OPN4: variants seen among roughly 807,000 people sequenced by gnomAD.
The protein encoded by OPN4 is opsin 4.
Under a neutral mutation model 49.5 loss-of-function variants are expected in OPN4, and 43 were observed. The ratio of observed to expected loss-of-function variants is 0.87; its 90% confidence interval spans 0.68 to 1.12. The LOEUF (loss-of-function observed/expected upper bound fraction) is 1.12, where lower values mean the gene tolerates loss of function less well. Among genes scored for constraint, OPN4 ranks in the 50% most tolerant of loss-of-function variants. The pLI is 0.00. For missense variants in OPN4, 657 were observed against 643.9 expected (o/e 1.02, Z -0.22); for synonymous variants, 263 against 258.0 (o/e 1.02, Z -0.19).
chr10:86,661,427 A>AGGTGT, intron 7 of OPN4, 39 bp downstream of exon 7: 1 of 1,523,014 alleles, frequency 6.6e-7, no homozygotes, highest in Non-Finnish European at 9.1e-7. Flanking sequence ...TTGGCCTCCA[A>AGGTGT]GGGCCTGGCC....
intron 4 of OPN4, 104 bp downstream of exon 4, chr10:86,658,791 C>A: frequency 4.2e-6 from 5 of 1,200,482 alleles, no homozygotes; most frequent in Non-Finnish European, 5.9e-6. Flanking sequence ...GAGCAGGGTG[C>A]CCAGGAGCTA....
chr10:86,660,133 C>T (rs778942110), intron 6 of OPN4, 74 bp downstream of exon 6: 43 of 1,523,104 alleles, frequency 2.8e-5, no homozygotes, highest in Non-Finnish European at 3.3e-5. Flanking sequence ...GCCAGCCTCT[C>T]CTTCCCAGCC....
chr10:86,658,565 A>T lies in OPN4; in HGVS notation c.506A>T (p.Tyr169Phe). 6.2e-7 allele frequency: 1 copy of T among 1,614,184 alleles called. No individual in the cohort carries two copies. Among genetic ancestry groups the T allele is most frequent in the Non-Finnish European group, 8.5e-7 (1 of 1,180,038 alleles). Residue 169 changes from tyrosine (Y) to phenylalanine (F), a missense_variant, in exon 4 of 10, where the codon TAC becomes TTC. Tyr to Phe is a conservative substitution (Grantham distance 22). Transcript: ENST00000241891. The part of the protein sequence containing the change: ...ITLTAIALDR[Y>F]LVITRPLATF... The stretch of plus-strand genomic sequence containing the variant: ...CTGACGGCCATCGCCCTGGACCGCT[A>T]CCTGGTAATCACACGCCCGCTGGCC...
At chr10:86,662,080 A>G (rs1048171868) in intron 7 of OPN4, among the ~76,000 whole-genome samples, 172 bp from the exon 8 acceptor site, 2 of 151,322 alleles carry the variant, frequency 1.3e-5, no homozygotes, top group African/African-American at 2.4e-5. Context: ...CCCACCCAGC[A>G]TCTGTCTTTC....
In OPN4 at chr10:86,657,619, C is replaced by T. The variant is rs562266488; in HGVS notation, c.291-413C>T. On this transcript the variant is annotated intron_variant, in intron 2 of 9. Transcript: ENST00000241891. ...ACCTAGGGAGAAACCTCTAGGGAGA[C>T]CTTGGCCTAGAGGGACTCAAGGAAA... 2.6e-5 allele frequency among the ~76,000 whole-genome samples: 4 copies of T among 152,076 alleles called. No individual in the cohort carries two copies. In the East Asian group the frequency reaches 7.7e-4, roughly 29 times the overall value.
At chr10:86,659,069 CA>C (rs1564620556) in intron 4 of OPN4, among the ~76,000 whole-genome samples, 3 of 152,320 alleles carry the variant, frequency 2.0e-5, no homozygotes, top group East Asian at 3.9e-4. Context: ...CCCTGGCAAG[CA>C]AAACCTTGAA....
At chr10:86,663,887 T>G (rs1005645054) in intron 9 of OPN4, 85 bp downstream of exon 9, 3 of 1,467,862 alleles carry the variant, frequency 2.0e-6, no homozygotes, top group Non-Finnish European at 2.8e-6. Context: ...AAGAGAGACT[T>G]GTTCTCATGG....
intron 9 of OPN4, 119 bp from the exon 10 acceptor site, chr10:86,665,594 C>T (rs905621782): frequency 3.8e-6 from 3 of 799,652 alleles, no homozygotes; most frequent in African/African-American, 3.4e-5. Flanking sequence ...CAGGACACAA[C>T]CTGGCCCTTC....
chr10:86,661,972 C>T (rs1844018150), intron 7 of OPN4, among the ~76,000 whole-genome samples: 1 of 152,148 alleles, frequency 6.6e-6, no homozygotes, highest in Non-Finnish European at 1.5e-5. Flanking sequence ...TTGAGCCAGC[C>T]ACTGAGGGCT....
chr10:86,665,733 C>G lies in OPN4; in HGVS notation c.1419C>G (p.Ser473Arg). 12 of 1,613,516 alleles carry G rather than the reference C, an allele frequency of 7.4e-6. No individual in the cohort carries two copies. Among genetic ancestry groups the G allele is most frequent in the Non-Finnish European group, 1.0e-5 (12 of 1,179,560 alleles). ...TGCAGACCAAGGGGCTGATCCCCAG[C>G]CAGGACCCCAGGATGTAGGACGCCC... ...TPGKTKGLIPSQDPRM is the reference protein window; with the variant it reads ...TPGKTKGLIPRQDPRM The change falls in exon 10 of 10, where the codon AGC (serine) becomes AGG (arginine). Residue 473 changes from serine to arginine, a missense_variant. By Grantham distance (110) the Ser-to-Arg change is moderately radical (BLOSUM62 -1). Transcript: ENST00000241891.
At position 86,662,400 on chromosome 10, in the gene OPN4, C is replaced by G. The variant is rs199878852; in HGVS notation, c.1222C>G (p.Arg408Gly). The part of the protein sequence containing the change: ...SNLSWISIRR[R>G]QESLGSESEV... Reference sequence around the variant, plus strand: ...CCTCAGCTGGATCTCCATACGGAGGCGCCAGGAGTCCCTGGGCTCGGAGAG... The same window carrying G: ...CCTCAGCTGGATCTCCATACGGAGGGGCCAGGAGTCCCTGGGCTCGGAGAG... The change falls in exon 8 of 10, where the codon CGC becomes GGC. Residue 408 changes from arginine to glycine, a missense_variant. Transcript: ENST00000241891. 90 of 1,560,582 alleles carry G rather than the reference C, an allele frequency of 5.8e-5. No homozygotes were observed. The East Asian group carries it at 2.1e-3, about 37-fold the overall frequency.
chr10:86,665,220 G>A (rs1331061780), intron 9 of OPN4, among the ~76,000 whole-genome samples: 1 of 152,148 alleles, frequency 6.6e-6, no homozygotes, highest in Non-Finnish European at 1.5e-5. Flanking sequence ...GGAAGAGGAG[G>A]CGGAGGTGGT....
chr10:86,658,313 G>A (rs780903884), intron 3 of OPN4, 148 bp downstream of exon 3: 64 of 1,283,488 alleles, frequency 5.0e-5, no homozygotes, highest in Non-Finnish European at 6.6e-5. Context: ...AAGCAAGAAG[G>A]GAAGATGCAG....
At chr10:86,656,080 TAA>T in intron 1 of OPN4, 73 bp from the exon 2 acceptor site, 3 of 1,596,682 alleles carry the variant, frequency 1.9e-6, no homozygotes, top group Non-Finnish European at 8.6e-7. Context: ...TTGAGAATCC[TAA>T]CTCTTCCTTC....
chr10:86,662,081 T>C (rs1162521106), intron 7 of OPN4, among the ~76,000 whole-genome samples, 171 bp from the exon 8 acceptor site: 4 of 151,988 alleles, frequency 2.6e-5, no homozygotes, highest in African/African-American at 9.7e-5. Context: ...CCACCCAGCA[T>C]CTGTCTTTCT....
intron 9 of OPN4, 89 bp from the exon 10 acceptor site, chr10:86,665,624 C>A: frequency 2.7e-6 from 3 of 1,114,624 alleles, no homozygotes; most frequent in Non-Finnish European, 4.1e-6. Flanking sequence ...TCCCCCACTG[C>A]TCGGTGACCC....
At chr10:86,659,178 G>A in intron 4 of OPN4, 119 bp from the exon 5 acceptor site, 1 of 745,964 alleles carries the variant, frequency 1.3e-6, no homozygotes, top group Non-Finnish European at 2.2e-6. Flanking sequence ...GCATGGGACA[G>A]GGCCAGGTCA....
chr10:86,658,407 A>G, intron 3 of OPN4, 77 bp from the exon 4 acceptor site: 1 of 1,493,952 alleles, frequency 6.7e-7, no homozygotes, highest in Non-Finnish European at 9.2e-7. Context: ...TCTTCCTGTG[A>G]GGTGAAGGCC....
rs1482166886 is a variant in OPN4, at chr10:86,662,395, G to A, written c.1217G>A (p.Arg406Gln). ...TCCAACCTCAGCTGGATCTCCATAC[G>A]GAGGCGCCAGGAGTCCCTGGGCTCG... ...HTSNLSWISI[R>Q]RRQESLGSES... The change falls in exon 8 of 10, where the codon CGG becomes CAG. Residue 406 changes from arginine (R) to glutamine (Q), a missense_variant. Arg to Gln is a conservative substitution (Grantham distance 43, BLOSUM62 1). Coordinates refer to ENST00000241891, the MANE Select transcript of OPN4 (RefSeq NM_033282.4). 19 of 1,561,448 alleles carry A rather than the reference G, an allele frequency of 1.2e-5. No individual in the cohort carries two copies. The highest frequency in any genetic ancestry group is 1.6e-5 in the Non-Finnish European group (18 of 1,154,190).
Sources: gnomAD v4.1 joint callset for allele counts (sites outside exome capture counted in the v4.1 genomes callset) on GRCh38, gnomAD v4.1.1 for gene constraint, MANE v1.5 for transcripts, NCBI Gene and HGNC (gene_info 2026-07-23, HGNC 2026-07-21) for gene names.